Variants in EPB41L4A observed in about 807,000 individuals in gnomAD.
The protein encoded by EPB41L4A is erythrocyte membrane protein band 4.1 like 4A.
Under a neutral mutation model 108.6 loss-of-function variants are expected in EPB41L4A, and 100 were observed. That is an observed-to-expected ratio of 0.92 (90% CI 0.78 to 1.09). The LOEUF is 1.09. EPB41L4A is among the 50% of genes least tolerant of loss of function. EPB41L4A has a pLI of 0.00. For synonymous variants in EPB41L4A, 319 were observed against 289.0 expected (o/e 1.10, Z -1.05); for missense variants, 1,030 against 842.7 (o/e 1.22, Z -2.75).
intron 12 of EPB41L4A, among the ~76,000 whole-genome samples, chr5:112,220,032 T>C (rs1747938220): frequency 6.6e-6 from 1 of 152,234 alleles, no homozygotes; most frequent in Admixed American, 6.5e-5. Context: ...AGAGGTGGTT[T>C]TATTTCCCTA....
At chr5:112,389,046 A>G (rs546742876) in intron 1 of EPB41L4A, among the ~76,000 whole-genome samples, 128 of 152,308 alleles carry the variant, frequency 8.4e-4, no homozygotes, top group Admixed American at 4.0e-3. Context: ...TTCTGATCCC[A>G]GGAGAGGAAT....
chr5:112,321,185 G>T (rs1006147336), intron 1 of EPB41L4A, among the ~76,000 whole-genome samples: 3 of 152,198 alleles, frequency 2.0e-5, no homozygotes, highest in African/African-American at 7.2e-5. Context: ...AGTCAGAGAA[G>T]CTACAAGAGG....
chr5:112,419,821 C>T (rs904207029), upstream of EPB41L4A: 1 of 456,800 alleles, frequency 2.2e-6, no homozygotes. Flanking sequence ...GACTCCCGAG[C>T]TCATTACGGG....
chr5:112,407,924 C>T (rs992159639), intron 1 of EPB41L4A, among the ~76,000 whole-genome samples: 4 of 152,172 alleles, frequency 2.6e-5, no homozygotes, highest in Non-Finnish European at 2.9e-5. Context: ...TATACAGTGT[C>T]GCTGCTCCAG....
At chr5:112,170,049 T>C in intron 20 of EPB41L4A, 1 of 429,920 alleles carries the variant, frequency 2.3e-6, no homozygotes, top group South Asian at 3.9e-5. Flanking sequence ...ATTTTAAAAC[T>C]GACATTAATC....
intron 1 of EPB41L4A, among the ~76,000 whole-genome samples, chr5:112,350,586 C>T (rs1757974630): frequency 6.6e-6 from 1 of 152,208 alleles, no homozygotes; most frequent in African/African-American, 2.4e-5. Flanking sequence ...TTCCATCCAA[C>T]TGCATGTTTG....
chr5:112,380,791 AT>A (rs1760124818), intron 1 of EPB41L4A, among the ~76,000 whole-genome samples: 1 of 95,852 alleles, frequency 1.0e-5, no homozygotes, highest in Non-Finnish European at 2.3e-5. Context: ...CATCACACAC[AT>A]ACACACACAC....
At chr5:112,419,831 G>A (rs867557215), upstream of EPB41L4A, 7 of 456,748 alleles carry the variant, frequency 1.5e-5, 1 homozygote, top group Middle Eastern at 2.3e-3. Context: ...CTCATTACGG[G>A]TGGCCGTGTG....
At position 112,205,624 on chromosome 5, in the gene EPB41L4A, G is replaced by A. The variant is rs536355005; in HGVS notation, c.1179-120C>T. The A allele has an allele frequency of 4.1e-6, 3 of 740,702 alleles. No homozygotes were observed. In the East Asian group the frequency reaches 8.4e-5, roughly 21 times the overall value. 45.9% of individuals were successfully genotyped at this position (740,702 alleles called of 1,614,324 possible). A position where few individuals can be genotyped will look rare whatever the true frequency, so the allele number is the denominator to read the frequency against. ...TTAAGATGTGCACACTTATTTGCTT[G>A]TTTATACCTGTGACTCTAAAAAGAA... On this transcript the variant is annotated intron_variant, in intron 13 of 22. Coordinates refer to ENST00000261486, the MANE Select transcript of EPB41L4A (RefSeq NM_022140.5).
intron 1 of EPB41L4A, among the ~76,000 whole-genome samples, chr5:112,349,211 G>T (rs1482110672): frequency 6.6e-6 from 1 of 152,150 alleles, no homozygotes; most frequent in Non-Finnish European, 1.5e-5. Flanking sequence ...GGGAAAAGGG[G>T]GAATAAGGAC....
At chr5:112,367,291 A>G (rs563044500) in intron 1 of EPB41L4A, among the ~76,000 whole-genome samples, 1 of 152,314 alleles carries the variant, frequency 6.6e-6, no homozygotes, top group African/African-American at 2.4e-5. Flanking sequence ...CTCTTGACAG[A>G]TGGAGAATAA....
chr5:112,179,044 C>T (rs1480775313), intron 18 of EPB41L4A, among the ~76,000 whole-genome samples: 1 of 151,982 alleles, frequency 6.6e-6, no homozygotes, highest in Non-Finnish European at 1.5e-5. Flanking sequence ...ACAGATTTCA[C>T]AGATGTTAAA....
intron 17 of EPB41L4A, among the ~76,000 whole-genome samples, chr5:112,192,578 T>C (rs1761758713): frequency 6.6e-6 from 1 of 152,200 alleles, no homozygotes; most frequent in South Asian, 2.1e-4. Flanking sequence ...AATATACTTT[T>C]TACACAGTAC....
intron 2 of EPB41L4A, among the ~76,000 whole-genome samples, chr5:112,284,530 C>G (rs926820819): frequency 6.6e-6 from 1 of 152,090 alleles, no homozygotes; most frequent in African/African-American, 2.4e-5. Context: ...TTCCCCTTCC[C>G]CACTCCCCTC....
At chr5:112,266,196 G>T in intron 5 of EPB41L4A, 37 bp downstream of exon 5, 1 of 1,435,050 alleles carries the variant, frequency 7.0e-7, no homozygotes, top group Non-Finnish European at 9.5e-7. Context: ...ACTTTCTCCA[G>T]ACATTTCTGA....
At chr5:112,222,812 G>C (rs1207967715) in intron 12 of EPB41L4A, among the ~76,000 whole-genome samples, 1 of 152,160 alleles carries the variant, frequency 6.6e-6, no homozygotes, top group Non-Finnish European at 1.5e-5. Flanking sequence ...TACCCCAGGA[G>C]AGAAGAGAGG....
chr5:112,244,265 A>G (rs978403649), intron 9 of EPB41L4A, among the ~76,000 whole-genome samples: 6 of 152,216 alleles, frequency 3.9e-5, no homozygotes, highest in Non-Finnish European at 7.3e-5. Context: ...TCATTTATCA[A>G]TTAAGATCGC....
Position 112,354,620 on chromosome 5 carries a change from G to A in EPB41L4A, c.100-47130C>T, listed in dbSNP as rs560029613. On this transcript the variant is annotated intron_variant, in intron 1 of 22. Coordinates refer to ENST00000261486, the MANE Select transcript of EPB41L4A (RefSeq NM_022140.5). ...TAACATAAGTTATCAGTCGAGTAAT[G>A]TTTTTCTGTGTTTCCCCATGCCATC... Among the ~76,000 whole-genome samples the A allele has an allele frequency of 2.0e-5, 3 of 152,284 alleles. No individual in the cohort carries two copies. The East Asian group carries it at 5.8e-4, about 29-fold the overall frequency.
At chr5:112,354,549 T>C (rs1758254026) in intron 1 of EPB41L4A, among the ~76,000 whole-genome samples, 1 of 152,168 alleles carries the variant, frequency 6.6e-6, no homozygotes, top group Non-Finnish European at 1.5e-5. Context: ...GGAGGAATCA[T>C]TACTTCAGTT....
Sources: allele counts gnomAD v4.1 joint callset (sites outside exome capture counted in the v4.1 genomes callset), GRCh38; gene constraint gnomAD v4.1.1; transcripts MANE v1.5; gene names NCBI Gene and HGNC (gene_info 2026-07-23, HGNC 2026-07-21).